TRMT10A: variants seen among roughly 807,000 people sequenced by gnomAD.
TRMT10A encodes tRNA methyltransferase 10 homolog A.
In TRMT10A, 37 loss-of-function variants were observed where a neutral mutation model predicts 40.4. The ratio of observed to expected loss-of-function variants is 0.92; its 90% confidence interval spans 0.71 to 1.21. TRMT10A has a LOEUF of 1.21. TRMT10A is among the 50% of genes most tolerant of loss of function. The pLI, the probability that TRMT10A is intolerant of heterozygous loss-of-function variation, is 0.00. For synonymous variants in TRMT10A, 103 were observed against 134.1 expected (o/e 0.77, Z 1.60); for missense variants, 388 against 404.3 (o/e 0.96, Z 0.35).
At chr4:99,555,867 G>C (rs571515322) in intron 5 of TRMT10A, among the ~76,000 whole-genome samples, 8 of 152,216 alleles carry the variant, frequency 5.3e-5, no homozygotes, top group Admixed American at 4.6e-4. Flanking sequence ...GTATGTTAGG[G>C]AGAAATGATA....
intron 6 of TRMT10A, among the ~76,000 whole-genome samples, chr4:99,551,909 GA>G (rs1000423057): frequency 7.0e-5 from 10 of 143,458 alleles, no homozygotes; most frequent in Non-Finnish European, 1.5e-4. Flanking sequence ...TTAAAAAGTT[GA>G]AAAAAAAAGA....
intron 1 of TRMT10A, among the ~76,000 whole-genome samples, chr4:99,562,809 G>A (rs1421747554): frequency 6.6e-6 from 1 of 151,424 alleles, no homozygotes; most frequent in East Asian, 1.9e-4. Context: ...ACAGGCATGA[G>A]CCACTGCGCC....
intron 6 of TRMT10A, 70 bp from the exon 7 acceptor site, chr4:99,551,060 A>C: frequency 9.1e-7 from 1 of 1,098,848 alleles, no homozygotes; most frequent in African/African-American, 1.6e-5. Flanking sequence ...AGTATAAATA[A>C]TTTTTAGATA....
At chr4:99,554,714 C>CTA (rs1170532614) in intron 5 of TRMT10A, among the ~76,000 whole-genome samples, 64 of 108,716 alleles carry the variant, frequency 5.9e-4, no homozygotes, top group South Asian at 9.8e-4. Flanking sequence ...GTGCAAGCGA[C>CTA]TACGTTTCAA....
intron 3 of TRMT10A, 93 bp downstream of exon 3, chr4:99,557,956 C>T (rs1578212086): frequency 1.6e-6 from 2 of 1,234,746 alleles, no homozygotes; most frequent in South Asian, 1.7e-5. Flanking sequence ...CATTTCAATA[C>T]ACAAATTTAC....
intron 3 of TRMT10A, chr4:99,557,825 TTCCTGTC>T (rs1724225554): frequency 4.2e-6 from 2 of 471,970 alleles, no homozygotes; most frequent in Non-Finnish European, 7.4e-6. Flanking sequence ...TTGTCTCTCT[TTCCTGTC>T]TGCACACATA....
intron 1 of TRMT10A, among the ~76,000 whole-genome samples, chr4:99,561,078 T>C (rs1283980177): frequency 1.3e-5 from 2 of 151,970 alleles, no homozygotes; most frequent in Non-Finnish European, 2.9e-5. Context: ...GCGATTCTAC[T>C]GCCTCAACCT....
At chr4:99,563,663 G>A (rs968295430) in intron 1 of TRMT10A, 6 of 333,810 alleles carry the variant, frequency 1.8e-5, no homozygotes, top group East Asian at 8.1e-5. Flanking sequence ...CTCCCAGCCA[G>A]CAAACGCATT....
At chr4:99,553,413 A>C (rs1724038088) in intron 6 of TRMT10A, among the ~76,000 whole-genome samples, 1 of 152,228 alleles carries the variant, frequency 6.6e-6, no homozygotes, top group African/African-American at 2.4e-5. Flanking sequence ...CCAATGGCTT[A>C]GCAATTGATT....
chr4:99,552,765 A>C (rs1428729598), intron 6 of TRMT10A, among the ~76,000 whole-genome samples: 1 of 152,136 alleles, frequency 6.6e-6, no homozygotes, highest in Non-Finnish European at 1.5e-5. Flanking sequence ...CAGAATATGA[A>C]TTTCATCTCT....
chr4:99,554,894 C>T (rs998449747), intron 5 of TRMT10A, among the ~76,000 whole-genome samples: 7 of 152,198 alleles, frequency 4.6e-5, no homozygotes, highest in Non-Finnish European at 7.4e-5. Flanking sequence ...ATTTTGTAAG[C>T]CACATTGACT....
chr4:99,559,232 C>G lies in TRMT10A; in HGVS notation c.107G>C (p.Gly36Ala), dbSNP rs770496768. 3 of 1,613,338 alleles carry G rather than the reference C, an allele frequency of 1.9e-6. No homozygotes were observed. The African/African-American group carries it at 4.0e-5, about 22-fold the overall frequency. ...TTGTCGTTTAGATATTGGTTCACAC[C>G]CTTCACCTAATCTTGGCTTCTGGCT... ...EESQKPRLGE[G>A]CEPISKRQMK... The change falls in exon 2 of 8, where the codon GGG (glycine) becomes GCG (alanine). Residue 36 changes from glycine to alanine, a missense_variant. Physicochemically the swap from Gly to Ala is moderately conservative, Grantham distance 60 (BLOSUM62 0). Coordinates refer to ENST00000394876, the MANE Select transcript of TRMT10A (RefSeq NM_001134665.3).
rs1467872969 is a variant in TRMT10A at position 99,549,203 on chromosome 4, G to A, written c.905C>T (p.Ser302Leu). The change falls in exon 8 of 8, where the codon TCG (serine) becomes TTG (leucine). Residue 302 changes from serine to leucine, a missense_variant. By Grantham distance (145) the Ser-to-Leu change is moderately radical. Transcript: ENST00000394876. ...NQSVRMEEGG[S>L]DSDSSEEEYS... ...TTCCTCCTCACTGGAATCACTGTCC[G>A]ATCCACCTTCCTCCATCCTGACAGA... 13 of 1,613,988 alleles carry A rather than the reference G, an allele frequency of 8.1e-6. No homozygotes were observed. Among genetic ancestry groups the A allele is most frequent in the Non-Finnish European group, 1.1e-5 (13 of 1,179,966 alleles).
Position 99,548,943 on chromosome 4 carries a change from TTTA to T in TRMT10A, c.*142_*144del, listed in dbSNP as rs1723847373. 1.4e-6 allele frequency: 1 copy of T among 738,848 alleles called. No individual in the cohort carries two copies. Among genetic ancestry groups the T allele is most frequent in the Non-Finnish European group, 2.0e-6 (1 of 505,824 alleles). 45.8% of individuals were successfully genotyped at this position (738,848 alleles called of 1,614,324 possible). ...TTACAAAGTTTAAAGGGCTTTTTTT[TTTA>T]TTATTATTTAGGTCCAAAAAAAAGT... is the stretch of plus-strand genomic sequence containing the variant. On this transcript the variant is annotated 3_prime_UTR_variant, in exon 8 of 8. Coordinates refer to ENST00000394876, the MANE Select transcript of TRMT10A (RefSeq NM_001134665.3).
chr4:99,546,942 A>G lies in TRMT10A; in HGVS notation c.*2146T>C, dbSNP rs1560594486. ...AGGTAGTAATCTTCACCTTCTTGCC[A>G]CCAACATCCTAGATAAGATATGGGC... On this transcript the variant is annotated 3_prime_UTR_variant, in exon 8 of 8. Transcript: ENST00000394876. The G allele has an allele frequency of 6.6e-6, 1 of 152,082 alleles. No homozygotes were observed. Among genetic ancestry groups the G allele is most frequent in the Non-Finnish European group, 1.5e-5 (1 of 68,010 alleles). The allele number at this position is 152,082 out of a possible 1,614,324, so 9.4% of individuals were successfully genotyped here.
chr4:99,562,908 G>C (rs1724497709), intron 1 of TRMT10A, among the ~76,000 whole-genome samples: 1 of 151,950 alleles, frequency 6.6e-6, no homozygotes, highest in African/African-American at 2.4e-5. Context: ...TGCAACCTCC[G>C]CCTTCTGGGT....
intron 6 of TRMT10A, among the ~76,000 whole-genome samples, chr4:99,552,948 T>C (rs1724019898): frequency 6.6e-6 from 1 of 152,030 alleles, no homozygotes; most frequent in Admixed American, 6.6e-5. Flanking sequence ...AACAAAATTG[T>C]TTTAGTTCAG....
rs985276411 is a variant in TRMT10A at position 99,548,335 on chromosome 4, A to G, written c.*753T>C. On this transcript the variant is annotated 3_prime_UTR_variant, in exon 8 of 8. Coordinates refer to ENST00000394876, the MANE Select transcript of TRMT10A (RefSeq NM_001134665.3). ...GCTGCTAAGAGCTGTTCCATTTTAA[A>G]TGCAGGTAAAGACAAAATTGATCTT... 5 of 152,164 alleles carry G rather than the reference A, an allele frequency of 3.3e-5. No homozygotes were observed. Among genetic ancestry groups the G allele is most frequent in the Admixed American group, 1.3e-4 (2 of 15,264 alleles). The allele number at this position is 152,164 out of a possible 1,614,324, so 9.4% of individuals were successfully genotyped here. A position where few individuals can be genotyped will look rare whatever the true frequency, so the allele number is the denominator to read the frequency against.
intron 4 of TRMT10A, 106 bp from the exon 5 acceptor site, chr4:99,556,326 T>A: frequency 9.6e-7 from 1 of 1,042,256 alleles, no homozygotes; most frequent in Non-Finnish European, 1.4e-6. Context: ...ACACAAAATA[T>A]ATTTATTCTC....
Sources: gnomAD v4.1 joint callset for allele counts (sites outside exome capture counted in the v4.1 genomes callset) on GRCh38, gnomAD v4.1.1 for gene constraint, MANE v1.5 for transcripts, NCBI Gene and HGNC (gene_info 2026-07-23, HGNC 2026-07-21) for gene names.